Variants in AFG2A observed in about 807,000 individuals in gnomAD.
AFG2A encodes the protein AAA ATPase AFG2A.
the AFG2A span, among the ~76,000 whole-genome samples, chr4:123,066,011 T>G: frequency 1.3e-5 from 2 of 152,190 alleles, no homozygotes; most frequent in African/African-American, 4.8e-5. Flanking sequence ...ACTGGTATCT[T>G]CTGTGTGGCA....
At chr4:123,282,372 T>C in the AFG2A span, among the ~76,000 whole-genome samples, 1 of 152,172 alleles carries the variant, frequency 6.6e-6, no homozygotes, top group Non-Finnish European at 1.5e-5. Context: ...AGGACAGCTT[T>C]TTCACTCTAG....
the AFG2A span, among the ~76,000 whole-genome samples, chr4:122,933,839 A>C: frequency 1.3e-5 from 2 of 152,182 alleles, no homozygotes; most frequent in African/African-American, 4.8e-5. Flanking sequence ...TGAATATGGA[A>C]TGCCTGGCTA....
the AFG2A span, among the ~76,000 whole-genome samples, chr4:123,180,978 CTT>C: frequency 8.4e-5 from 10 of 118,360 alleles, no homozygotes; most frequent in Middle Eastern, 5.0e-3. Flanking sequence ...TCCTCCCCCT[CTT>C]TTTTTTTTTT....
At chr4:123,188,513 G>C in the AFG2A span, among the ~76,000 whole-genome samples, 1 of 152,074 alleles carries the variant, frequency 6.6e-6, no homozygotes, top group Non-Finnish European at 1.5e-5. Flanking sequence ...ACTGTTCGTC[G>C]ATCATAGAGC....
At chr4:123,258,858 CTTTTT>C in the AFG2A span, among the ~76,000 whole-genome samples, 1 of 90,314 alleles carries the variant, frequency 1.1e-5, no homozygotes, top group African/African-American at 4.6e-5. Flanking sequence ...GATACTGGTA[CTTTTT>C]TTTTTTTTTT....
At chr4:123,058,479 G>A in the AFG2A span, among the ~76,000 whole-genome samples, 31 of 152,290 alleles carry the variant, frequency 2.0e-4, no homozygotes, top group African/African-American at 7.2e-4. Flanking sequence ...ATAGAAATTA[G>A]CTGGGCGTGG....
chr4:123,174,116 C>G, the AFG2A span, among the ~76,000 whole-genome samples: 1 of 152,186 alleles, frequency 6.6e-6, no homozygotes, highest in Non-Finnish European at 1.5e-5. Context: ...AAGCTATATA[C>G]TGTCAATAGT....
chr4:123,063,488 T>G, the AFG2A span, among the ~76,000 whole-genome samples: 9,539 of 152,236 alleles, frequency 0.063, 524 homozygotes, highest in African/African-American at 0.14. Context: ...GGCTCACACC[T>G]GTAATCCCAG....
chr4:123,315,037 T>G, the AFG2A span: 3 of 152,012 alleles, frequency 2.0e-5, no homozygotes, highest in Non-Finnish European at 4.4e-5. Context: ...ATTACAGGCG[T>G]GAGCCACCAT....
chr4:123,150,533 A>G, the AFG2A span, among the ~76,000 whole-genome samples: 3 of 152,198 alleles, frequency 2.0e-5, no homozygotes, highest in Non-Finnish European at 4.4e-5. Context: ...TGCTAAAAAG[A>G]GAATACCTAG....
the AFG2A span, chr4:123,259,811 C>T: frequency 2.6e-5 from 4 of 152,138 alleles, no homozygotes; most frequent in Non-Finnish European, 4.4e-5. Context: ...CCCATATGCC[C>T]TATGCTTGGG....
chr4:123,170,592 A>G, the AFG2A span, among the ~76,000 whole-genome samples: 2 of 152,248 alleles, frequency 1.3e-5, no homozygotes, highest in East Asian at 3.9e-4. Context: ...GGTAGAAAGA[A>G]AAAAAGTTAA....
At chr4:123,183,933 TATTCATTCATTC>T in the AFG2A span, among the ~76,000 whole-genome samples, 17 of 137,390 alleles carry the variant, frequency 1.2e-4, no homozygotes, top group African/African-American at 2.6e-4. Flanking sequence ...CTTGCTTATT[TATTCATTCATTC>T]ATTCATTCAT....
the AFG2A span, among the ~76,000 whole-genome samples, chr4:123,069,179 C>G: frequency 2.0e-5 from 3 of 152,138 alleles, no homozygotes; most frequent in Non-Finnish European, 4.4e-5. Context: ...GAGCATTATC[C>G]ATTTTAGGCC....
the AFG2A span, among the ~76,000 whole-genome samples, chr4:123,029,509 T>A: frequency 6.6e-6 from 1 of 152,248 alleles, no homozygotes; most frequent in Admixed American, 6.5e-5. Context: ...CTGTTTGTTC[T>A]TTAAGAATCA....
At chr4:123,123,951 CAAAAAAA>C in the AFG2A span, among the ~76,000 whole-genome samples, 1,245 of 35,776 alleles carry the variant, frequency 0.035, 23 homozygotes, top group African/African-American at 0.12. Context: ...AACTCCGTCT[CAAAAAAA>C]AAAAAAAAAA....
the AFG2A span, among the ~76,000 whole-genome samples, chr4:123,108,027 A>C: frequency 4.1e-3 from 618 of 152,258 alleles, 3 homozygotes; most frequent in Non-Finnish European, 5.0e-3. Context: ...AACTGCAGTG[A>C]GCCCCGCCCT....
At chr4:123,299,617 G>A in the AFG2A span, among the ~76,000 whole-genome samples, 2 of 152,126 alleles carry the variant, frequency 1.3e-5, no homozygotes, top group Non-Finnish European at 2.9e-5. Context: ...TTTCTGCTCA[G>A]TTACAAATGT....
At chr4:122,940,587 G>A in the AFG2A span, among the ~76,000 whole-genome samples, 4 of 152,104 alleles carry the variant, frequency 2.6e-5, no homozygotes, top group Non-Finnish European at 5.9e-5. Flanking sequence ...TAGCTTCCCT[G>A]TTCACTCTGA....
Sources: allele counts gnomAD v4.1 joint callset (sites outside exome capture counted in the v4.1 genomes callset), GRCh38; gene constraint gnomAD v4.1.1; transcripts MANE v1.5; gene names NCBI Gene and HGNC (gene_info 2026-07-23, HGNC 2026-07-21).